EXOC6B: variants seen among roughly 807,000 people sequenced by gnomAD.
The protein encoded by EXOC6B is exocyst complex component 6B, also known as SEC15 homolog B.
A neutral mutation model predicts 113.5 loss-of-function variants in EXOC6B; 54 were observed. That is an observed-to-expected ratio of 0.48 (90% CI 0.38 to 0.60). EXOC6B has a LOEUF of 0.60. Ranked by LOEUF, EXOC6B falls within the 20% of genes least tolerant of loss-of-function variation. The probability of loss-of-function intolerance (pLI) is 0.00; values close to 1 mark genes in which losing one functional copy is unlikely to be tolerated. For missense variants in EXOC6B, 797 were observed against 977.5 expected, an observed-to-expected ratio of 0.82 and a Z score of 2.46; for synonymous variants, 357 against 339.0, an observed-to-expected ratio of 1.05 and a Z score of -0.58.
At chr2:72,339,031 G>T (rs1329034441) in intron 19 of EXOC6B, among the ~76,000 whole-genome samples, 1 of 151,668 alleles carries the variant, frequency 6.6e-6, no homozygotes, top group Non-Finnish European at 1.5e-5. Flanking sequence ...AGTAACAAGA[G>T]ATATAATTTG....
intron 1 of EXOC6B, among the ~76,000 whole-genome samples, chr2:72,755,805 T>C (rs1454519366): frequency 6.6e-6 from 1 of 152,202 alleles, no homozygotes; most frequent in Admixed American, 6.5e-5. Context: ...CTGATGTTTC[T>C]GGCCCTTGTT....
At chr2:72,257,565 A>C (rs895218746) in intron 20 of EXOC6B, among the ~76,000 whole-genome samples, 3 of 152,234 alleles carry the variant, frequency 2.0e-5, no homozygotes, top group Admixed American at 2.0e-4. Context: ...CCGCTAGCTT[A>C]ATGCAGTGTG....
chr2:72,678,025 TA>T (rs1394422550), intron 6 of EXOC6B, among the ~76,000 whole-genome samples: 2 of 152,156 alleles, frequency 1.3e-5, no homozygotes, highest in African/African-American at 4.8e-5. Flanking sequence ...AAAAAATATT[TA>T]AAAGAATAAC....
intron 19 of EXOC6B, among the ~76,000 whole-genome samples, chr2:72,366,069 C>A (rs1690609188): frequency 6.6e-6 from 1 of 151,922 alleles, no homozygotes. Flanking sequence ...TAAACAATGA[C>A]CAGGATGCAA....
At chr2:72,621,318 GA>G (rs1308928185) in intron 6 of EXOC6B, among the ~76,000 whole-genome samples, 1 of 152,108 alleles carries the variant, frequency 6.6e-6, no homozygotes, top group Non-Finnish European at 1.5e-5. Context: ...GGAATACTAT[GA>G]AGCCATAAAA....
chr2:72,392,420 G>A (rs1481846500), intron 18 of EXOC6B, among the ~76,000 whole-genome samples: 1 of 152,132 alleles, frequency 6.6e-6, no homozygotes, highest in Non-Finnish European at 1.5e-5. Flanking sequence ...CTCAGACCCT[G>A]GCCATACTCC....
intron 11 of EXOC6B, among the ~76,000 whole-genome samples, chr2:72,510,301 A>T (rs570832956): frequency 6.6e-6 from 1 of 152,112 alleles, no homozygotes; most frequent in Non-Finnish European, 1.5e-5. Flanking sequence ...AGTTTGGGAG[A>T]GCAAATGAGC....
rs59422959 is a variant in EXOC6B at position 72,514,576 on chromosome 2, C to CAATA, written c.1046+54_1046+57dup. The CAATA allele has an allele frequency of 1.6e-3, 356 of 223,012 alleles. 1 individual carries two copies. Among genetic ancestry groups the CAATA allele is most frequent in the African/African-American group, 8.7e-3 (330 of 37,904 alleles). 13.8% of individuals were successfully genotyped at this position (223,012 alleles called of 1,614,324 possible). A position where few individuals can be genotyped will look rare whatever the true frequency, so the allele number is the denominator to read the frequency against. On this transcript the variant is annotated intron_variant, in intron 10 of 21. Coordinates refer to ENST00000272427, the MANE Select transcript of EXOC6B (RefSeq NM_015189.3). ...CTATGTATGGAAAGAGTATAAATTT[C>CAATA]AATAAATAAATAAATAAATAAATAA...
At chr2:72,277,853 T>C (rs1215074883) in intron 20 of EXOC6B, among the ~76,000 whole-genome samples, 1 of 152,174 alleles carries the variant, frequency 6.6e-6, no homozygotes, top group Admixed American at 6.5e-5. Flanking sequence ...CCCCATTTTT[T>C]TTTATATAAA....
chr2:72,736,398 T>C (rs546207058), intron 2 of EXOC6B, among the ~76,000 whole-genome samples: 5 of 152,302 alleles, frequency 3.3e-5, no homozygotes, highest in East Asian at 3.9e-4. Flanking sequence ...AAACTATTTC[T>C]AGAGTTCAGG....
At chr2:72,553,254 C>G (rs1159246186) in intron 8 of EXOC6B, among the ~76,000 whole-genome samples, 1 of 152,030 alleles carries the variant, frequency 6.6e-6, no homozygotes, top group Non-Finnish European at 1.5e-5. Context: ...TGCTATTTAT[C>G]TAACAAAGAA....
chr2:72,273,207 T>C (rs979063261), intron 20 of EXOC6B, among the ~76,000 whole-genome samples: 6 of 152,172 alleles, frequency 3.9e-5, no homozygotes, highest in Non-Finnish European at 5.9e-5. Flanking sequence ...GCAGGACATA[T>C]ATCAATGTAA....
intron 7 of EXOC6B, among the ~76,000 whole-genome samples, chr2:72,563,494 C>A (rs1573399590): frequency 6.6e-6 from 1 of 152,018 alleles, no homozygotes; most frequent in Admixed American, 6.6e-5. Context: ...TGGCACCTAA[C>A]ACATGGGACC....
chr2:72,448,388 T>C (rs912251308), intron 18 of EXOC6B, among the ~76,000 whole-genome samples: 14 of 152,206 alleles, frequency 9.2e-5, no homozygotes, highest in Non-Finnish European at 1.9e-4. Context: ...TAGGTAATTA[T>C]TTCCAAAATC....
chr2:72,800,363 T>C (rs1053041105), intron 1 of EXOC6B, among the ~76,000 whole-genome samples: 4 of 152,066 alleles, frequency 2.6e-5, no homozygotes, highest in African/African-American at 4.8e-5. Flanking sequence ...TTGACCAAAG[T>C]GTAAAAAGCC....
chr2:72,808,736 T>C (rs1685715512), intron 1 of EXOC6B, among the ~76,000 whole-genome samples: 1 of 151,698 alleles, frequency 6.6e-6, no homozygotes, highest in South Asian at 2.1e-4. Context: ...TGAGCCATGA[T>C]CACACCACTA....
intron 6 of EXOC6B, among the ~76,000 whole-genome samples, chr2:72,713,571 A>G (rs1366435554): frequency 6.6e-6 from 1 of 151,982 alleles, no homozygotes; most frequent in African/African-American, 2.4e-5. Context: ...TCCTAAAGCT[A>G]TCCCTCCCCC....
At chr2:72,578,552 T>A (rs556546733) in intron 6 of EXOC6B, among the ~76,000 whole-genome samples, 86 of 152,192 alleles carry the variant, frequency 5.7e-4, no homozygotes, top group African/African-American at 1.8e-3. Context: ...AAGCAATTTC[T>A]CACTGCTCTA....
At chr2:72,287,339 G>A (rs981107119) in intron 20 of EXOC6B, among the ~76,000 whole-genome samples, 1 of 151,360 alleles carries the variant, frequency 6.6e-6, no homozygotes, top group Admixed American at 6.6e-5. Context: ...GCTGAGGCAG[G>A]AGAATGGCGT....
Sources: allele counts gnomAD v4.1 joint callset (sites outside exome capture counted in the v4.1 genomes callset), GRCh38; gene constraint gnomAD v4.1.1; transcripts MANE v1.5; gene names NCBI Gene and HGNC (gene_info 2026-07-23, HGNC 2026-07-21).